CDH2: variants seen among roughly 807,000 people sequenced by gnomAD.
CDH2 encodes cadherin-2.
Under a neutral mutation model 92.0 loss-of-function variants are expected in CDH2, and 17 were observed. That is an observed-to-expected ratio of 0.18 (90% confidence interval 0.13 to 0.28). CDH2 has a LOEUF of 0.28. CDH2 is among the 10% of genes least tolerant of loss of function. The pLI is 1.00. For missense variants in CDH2, 862 were observed against 1,133.1 expected (o/e 0.76, Z 3.44); for synonymous variants, 419 against 415.9 (o/e 1.01, Z -0.09).
At position 27,951,420 on chromosome 18, in the gene CDH2, A is replaced by G. The variant is rs201382356; in HGVS notation, c.*733T>C. On this transcript the variant is annotated 3_prime_UTR_variant, in exon 16 of 16. Transcript: ENST00000269141. ...TGTTCTGAAGTTTCTGCACTTCTCC[A>G]TAGACTATGCCAATAAAACATTATG... The G allele has an allele frequency of 3.3e-5, 5 of 152,490 alleles. No homozygotes were observed. The highest frequency in any genetic ancestry group is 5.9e-5 in the Non-Finnish European group (4 of 67,998). 9.4% of individuals were successfully genotyped at this position (152,490 alleles called of 1,614,324 possible). A position where few individuals can be genotyped will look rare whatever the true frequency, so the allele number is the denominator to read the frequency against.
At chr18:27,957,466 G>A (rs187980403) in intron 15 of CDH2, among the ~76,000 whole-genome samples, 1 of 151,438 alleles carries the variant, frequency 6.6e-6, no homozygotes, top group East Asian at 2.0e-4. Flanking sequence ...TGCTGAAGTC[G>A]GTCTCAAACT....
chr18:27,960,045 CACAA>C (rs1293848557), intron 15 of CDH2, among the ~76,000 whole-genome samples: 1 of 147,872 alleles, frequency 6.8e-6, no homozygotes, highest in Non-Finnish European at 1.5e-5. Context: ...CACACACACA[CACAA>C]ACACACACTC....
Position 27,992,664 on chromosome 18 carries a change from G to T in CDH2, c.1335C>A (p.Thr445=). Residue 445 remains threonine, a synonymous_variant, in exon 9 of 16, where the codon ACC becomes ACA. Coordinates refer to ENST00000269141, the MANE Select transcript of CDH2 (RefSeq NM_001792.5). ...TDPNSNDGLV[T]VVKPIDFETN... The stretch of plus-strand genomic sequence containing the variant: ...CCCGAGGAACACTTACTTTGACCAC[G>T]GTGACTAACCCGTCGTTGCTGTTTG... 1 of 1,611,052 alleles carries T rather than the reference G, an allele frequency of 6.2e-7. No individual in the cohort carries two copies. The highest frequency in any genetic ancestry group is 1.1e-5 in the South Asian group (1 of 90,562).
Position 27,987,916 on chromosome 18 carries a change from C to T in CDH2, c.1741+608G>A, listed in dbSNP as rs116318163. 4.1e-3 allele frequency among the ~76,000 whole-genome samples: 622 copies of T among 152,154 alleles called. 13 individuals are homozygous for T. Among genetic ancestry groups the T allele is most frequent in the African/African-American group, 0.014 (580 of 41,508 alleles). On this transcript the variant is annotated intron_variant, in intron 11 of 15. Coordinates refer to ENST00000269141, the MANE Select transcript of CDH2 (RefSeq NM_001792.5). ...AAACACACATCGTACTGAGAGCTAA[C>T]GAAGCAAAATAAGCCCCTCATCAGG...
At chr18:28,134,393 T>C (rs943050260) in intron 2 of CDH2, among the ~76,000 whole-genome samples, 2 of 151,658 alleles carry the variant, frequency 1.3e-5, no homozygotes, top group Non-Finnish European at 2.9e-5. Flanking sequence ...TAAAAATTGC[T>C]CAGAACCCGT....
intron 2 of CDH2, among the ~76,000 whole-genome samples, chr18:28,135,866 T>C (rs2015853804): frequency 6.6e-6 from 1 of 152,198 alleles, no homozygotes; most frequent in Non-Finnish European, 1.5e-5. Flanking sequence ...CAAAGAGACA[T>C]TTAAATTTAA....
chr18:28,064,193 C>T (rs2014461624), intron 2 of CDH2, among the ~76,000 whole-genome samples: 1 of 152,054 alleles, frequency 6.6e-6, no homozygotes, highest in African/African-American at 2.4e-5. Context: ...CAAAATGACT[C>T]CCATCTCTAA....
At chr18:27,991,758 T>C (rs2012424011) in intron 9 of CDH2, among the ~76,000 whole-genome samples, 1 of 152,196 alleles carries the variant, frequency 6.6e-6, no homozygotes, top group African/African-American at 2.4e-5. Context: ...AGAGTTTCCA[T>C]TCCCATTCTA....
intron 2 of CDH2, among the ~76,000 whole-genome samples, chr18:28,040,156 G>A (rs866712488): frequency 1.3e-5 from 2 of 152,142 alleles, no homozygotes; most frequent in African/African-American, 2.4e-5. Context: ...GCCTCAGAGC[G>A]AATCCAAACA....
chr18:28,094,791 C>CT (rs1567996230), intron 2 of CDH2, among the ~76,000 whole-genome samples: 1 of 16,018 alleles, frequency 6.2e-5, no homozygotes, highest in African/African-American at 2.2e-4. Flanking sequence ...GAGACTCTGT[C>CT]TAAAAAAAAA....
chr18:27,996,287 T>C (rs1175194679), intron 7 of CDH2, among the ~76,000 whole-genome samples: 1 of 152,110 alleles, frequency 6.6e-6, no homozygotes, highest in Non-Finnish European at 1.5e-5. Context: ...AGAGTGAACA[T>C]TTTGGGTTGT....
intron 15 of CDH2, among the ~76,000 whole-genome samples, chr18:27,962,349 G>T (rs969483136): frequency 2.0e-5 from 3 of 152,152 alleles, no homozygotes; most frequent in African/African-American, 7.2e-5. Flanking sequence ...GACAGTAATG[G>T]ATAGTTATAG....
intron 1 of CDH2, among the ~76,000 whole-genome samples, chr18:28,164,659 CACACAG>C (rs2016353042): frequency 6.6e-6 from 1 of 151,870 alleles, no homozygotes; most frequent in Admixed American, 6.5e-5. Context: ...AAAACACACA[CACACAG>C]ACACACACAC....
At chr18:27,997,996 T>C (rs376589570) in intron 7 of CDH2, among the ~76,000 whole-genome samples, 79 of 152,014 alleles carry the variant, frequency 5.2e-4, no homozygotes, top group Middle Eastern at 3.4e-3. Context: ...TTAGTAGGGA[T>C]GGGGTTTCAC....
intron 7 of CDH2, among the ~76,000 whole-genome samples, chr18:27,999,639 A>G (rs1334964303): frequency 3.3e-5 from 5 of 151,670 alleles, no homozygotes; most frequent in Admixed American, 6.6e-5. Flanking sequence ...AATGCCTTTT[A>G]AAACGCTTTT....
chr18:27,994,521 C>T (rs1026550918), intron 7 of CDH2, among the ~76,000 whole-genome samples: 8 of 152,074 alleles, frequency 5.3e-5, no homozygotes, highest in African/African-American at 1.9e-4. Flanking sequence ...ATTAGGAAAA[C>T]CTAACTTTAA....
chr18:28,011,100 TA>T (rs966440119), intron 4 of CDH2, among the ~76,000 whole-genome samples: 15 of 151,692 alleles, frequency 9.9e-5, no homozygotes, highest in Admixed American at 2.0e-4. Context: ...CGGCTTATTT[TA>T]AAAAAAAGGC....
chr18:27,963,662 T>G, intron 14 of CDH2, 141 bp from the exon 15 acceptor site: 1 of 644,970 alleles, frequency 1.6e-6, no homozygotes, highest in Non-Finnish European at 2.7e-6. Flanking sequence ...TATGAGTTTT[T>G]CATGTTATGA....
intron 2 of CDH2, among the ~76,000 whole-genome samples, chr18:28,076,767 C>T (rs2014728620): frequency 6.9e-6 from 1 of 145,044 alleles, no homozygotes. Flanking sequence ...TTCAATTGAA[C>T]AATGAGGAGG....
Sources: gnomAD v4.1 joint callset for allele counts (sites outside exome capture counted in the v4.1 genomes callset) on GRCh38, gnomAD v4.1.1 for gene constraint, MANE v1.5 for transcripts, NCBI Gene and HGNC (gene_info 2026-07-23, HGNC 2026-07-21) for gene names.